Variants in ADISSP observed in about 807,000 individuals in gnomAD.
ADISSP encodes adipose secreted signaling protein.
the ADISSP span, chr20:3,759,972 TGCAC>T: frequency 1.9e-6 from 2 of 1,062,246 alleles, no homozygotes; most frequent in African/African-American, 3.6e-5. The surrounding 1 kb of genome is among the most constrained non-coding windows in gnomAD (Gnocchi z 4.6). Context: ...CACTCACACA[TGCAC>T]ACACACACAC....
the ADISSP span, chr20:3,768,266 T>G: frequency 6.6e-6 from 1 of 152,298 alleles, no homozygotes; most frequent in Admixed American, 6.5e-5. Flanking sequence ...TCACTCCTGT[T>G]TCGACCCCAG....
At chr20:3,756,128 G>A in the ADISSP span, among the ~76,000 whole-genome samples, 3 of 152,206 alleles carry the variant, frequency 2.0e-5, no homozygotes, top group African/African-American at 2.4e-5. Flanking sequence ...CACAGATAGC[G>A]TGGGATGAGG....
the ADISSP span, among the ~76,000 whole-genome samples, chr20:3,755,127 G>A: frequency 6.6e-6 from 1 of 152,214 alleles, no homozygotes. Flanking sequence ...TCCACACGGT[G>A]TGTGTAGCTC....
At chr20:3,754,135 G>A in the ADISSP span, 6 of 1,612,556 alleles carry the variant, frequency 3.7e-6, no homozygotes, top group African/African-American at 2.7e-5. Context: ...CCATCCAGCA[G>A]CATGGGCGTG....
At chr20:3,761,218 G>A in the ADISSP span, among the ~76,000 whole-genome samples, 1 of 152,186 alleles carries the variant, frequency 6.6e-6, no homozygotes, top group African/African-American at 2.4e-5. Flanking sequence ...AACCCCTAAA[G>A]GAACAAATGC....
chr20:3,757,766 C>A, the ADISSP span, among the ~76,000 whole-genome samples: 2 of 152,158 alleles, frequency 1.3e-5, no homozygotes, highest in Admixed American at 6.5e-5. Context: ...GTAGCTGGGA[C>A]TACAGGCGTG....
chr20:3,755,484 C>T, the ADISSP span: 18 of 1,611,902 alleles, frequency 1.1e-5, no homozygotes, highest in Admixed American at 1.7e-5. Flanking sequence ...GGGACGGGCA[C>T]CACGCTGAGG....
the ADISSP span, among the ~76,000 whole-genome samples, chr20:3,764,507 A>T: frequency 1.3e-5 from 2 of 152,188 alleles, no homozygotes. Flanking sequence ...CACACCTTCG[A>T]CAGGGTCTCA....
chr20:3,760,449 A>C, the ADISSP span, among the ~76,000 whole-genome samples: 2 of 152,182 alleles, frequency 1.3e-5, no homozygotes, highest in African/African-American at 4.8e-5. Context: ...CTAGGTGCCA[A>C]AGCAACAGCA....
chr20:3,760,101 G>GGAC, the ADISSP span: 6 of 1,611,266 alleles, frequency 3.7e-6, no homozygotes, highest in Non-Finnish European at 5.1e-6. Flanking sequence ...CTGCAGCCAT[G>GGAC]GACGCCCTCC....
the ADISSP span, chr20:3,760,034 C>T: frequency 4.5e-5 from 72 of 1,612,946 alleles, no homozygotes; most frequent in Non-Finnish European, 5.4e-5. Flanking sequence ...CTACCAGGGC[C>T]CACCGGAAGA....
chr20:3,754,421 C>A, the ADISSP span: 1 of 1,614,010 alleles, frequency 6.2e-7, no homozygotes, highest in Non-Finnish European at 8.5e-7. Flanking sequence ...TGCACCGTCA[C>A]GCGCACACAG....
chr20:3,766,346 A>G, the ADISSP span, among the ~76,000 whole-genome samples: 1 of 152,082 alleles, frequency 6.6e-6, no homozygotes, highest in Non-Finnish European at 1.5e-5. Context: ...GCAGCTTCAC[A>G]TCAACTCAGC....
chr20:3,757,945 C>G, the ADISSP span, among the ~76,000 whole-genome samples: 1 of 151,938 alleles, frequency 6.6e-6, no homozygotes, highest in Admixed American at 6.6e-5. Flanking sequence ...AACTCTGGAC[C>G]CCTGATTTAT....
the ADISSP span, among the ~76,000 whole-genome samples, chr20:3,766,604 G>T: frequency 6.6e-6 from 1 of 152,192 alleles, no homozygotes; most frequent in Non-Finnish European, 1.5e-5. Context: ...CCTAGGCCCT[G>T]CCCTGGGCCT....
At chr20:3,755,741 C>T in the ADISSP span, 12 of 698,660 alleles carry the variant, frequency 1.7e-5, no homozygotes, top group Non-Finnish European at 2.4e-5. Flanking sequence ...CAACTCCCTC[C>T]ATCACTCCAG....
the ADISSP span, chr20:3,767,759 C>G: frequency 6.6e-6 from 1 of 151,832 alleles, no homozygotes; most frequent in African/African-American, 2.4e-5. Context: ...AAGGGAGCCC[C>G]GCGCCGCGGC....
the ADISSP span, among the ~76,000 whole-genome samples, chr20:3,757,776 G>A: frequency 5.3e-5 from 8 of 152,108 alleles, no homozygotes; most frequent in Admixed American, 2.6e-4. Flanking sequence ...CTACAGGCGT[G>A]CGCCACCACG....
At chr20:3,766,750 G>A in the ADISSP span, among the ~76,000 whole-genome samples, 1 of 152,172 alleles carries the variant, frequency 6.6e-6, no homozygotes, top group Admixed American at 6.5e-5. Context: ...AATGTGGGGG[G>A]ATATCCAGCT....
Sources: gnomAD v4.1 joint callset for allele counts (sites outside exome capture counted in the v4.1 genomes callset) on GRCh38, gnomAD v4.1.1 for gene constraint, Gnocchi (gnomAD v3.1) non-coding constraint, MANE v1.5 for transcripts, NCBI Gene and HGNC (gene_info 2026-07-23, HGNC 2026-07-21) for gene names.